CARS2: variants seen among roughly 807,000 people sequenced by gnomAD.
CARS2 encodes the protein cysteinyl-tRNA synthetase 2, mitochondrial.
Under a neutral mutation model 68.8 loss-of-function variants are expected in CARS2, and 52 were observed. The ratio of observed to expected loss-of-function variants is 0.76; its 90% CI spans 0.61 to 0.95. CARS2 has a LOEUF of 0.95. Ranked by LOEUF, CARS2 falls within the 40% of genes least tolerant of loss-of-function variation. The probability of loss-of-function intolerance (pLI) is 0.00; values close to 1 mark genes in which losing one functional copy is unlikely to be tolerated. For missense variants in CARS2, 780 were observed against 754.2 expected, an observed-to-expected ratio of 1.03 and a Z score of -0.40; for synonymous variants, 314 against 303.6, an observed-to-expected ratio of 1.03 and a Z score of -0.36.
At chr13:110,712,923 C>T in intron 1 of CARS2, 3 of 1,554,284 alleles carry the variant, frequency 1.9e-6, no homozygotes, top group Non-Finnish European at 2.6e-6. Context: ...TGACGGATGG[C>T]GCAGGCGCGG....
At chr13:110,682,684 A>G (rs1179447828) in intron 6 of CARS2, among the ~76,000 whole-genome samples, 1 of 152,218 alleles carries the variant, frequency 6.6e-6, no homozygotes. Context: ...ACATAGTAAG[A>G]CACGTATGGG....
At chr13:110,662,305 C>T (rs1263306616) in intron 9 of CARS2, among the ~76,000 whole-genome samples, 1 of 115,694 alleles carries the variant, frequency 8.6e-6, no homozygotes, top group Admixed American at 9.4e-5. Context: ...CGTCATGCAA[C>T]CCCATGGCCG....
intron 6 of CARS2, among the ~76,000 whole-genome samples, chr13:110,679,597 A>AGAGAGAG: frequency 2.3e-5 from 1 of 43,696 alleles, no homozygotes; most frequent in South Asian, 8.9e-4. Context: ...GAAAGAAAGA[A>AGAGAGAG]AGAGAGAGAG....
intron 5 of CARS2, among the ~76,000 whole-genome samples, chr13:110,685,445 A>T (rs575438733): frequency 3.9e-5 from 6 of 152,364 alleles, no homozygotes; most frequent in Non-Finnish European, 7.3e-5. Flanking sequence ...TCCAAGTAGG[A>T]CCCAGGAAGG....
At chr13:110,709,735 A>T (rs1225654794), upstream of CARS2, among the ~76,000 whole-genome samples, 1 of 151,886 alleles carries the variant, frequency 6.6e-6, no homozygotes, top group Non-Finnish European at 1.5e-5. Context: ...ATGTATATAC[A>T]TTATATATAT....
At chr13:110,644,157 T>C (rs968060280) in intron 13 of CARS2, 2 of 1,433,020 alleles carry the variant, frequency 1.4e-6, no homozygotes, top group African/African-American at 2.8e-5. Flanking sequence ...GACTCATCTC[T>C]GGTTCTGCGC....
At chr13:110,650,984 G>A in intron 10 of CARS2, 50 bp downstream of exon 10, 2 of 1,382,764 alleles carry the variant, frequency 1.4e-6, no homozygotes, top group African/African-American at 1.4e-5. Flanking sequence ...CTGTCAGAAT[G>A]ACTGTCTCCG....
rs1887813773 is a variant in CARS2, at chr13:110,644,411, C to A, written c.1390G>T (p.Val464Phe). 6.2e-7 allele frequency: 1 copy of A among 1,614,038 alleles called. No homozygotes were observed. The highest frequency in any genetic ancestry group is 2.2e-5 in the East Asian group (1 of 44,890). The change falls in exon 13 of 15, where the codon GTT (valine) becomes TTT (phenylalanine). Residue 464 changes from valine to phenylalanine, a missense_variant. By Grantham distance (50) the Val-to-Phe change is conservative (BLOSUM62 -1). Coordinates refer to ENST00000257347, the MANE Select transcript of CARS2 (RefSeq NM_024537.4). ...ISYFEQFFET[V>F]GISLANQQYV... ...TGTTGATTTGCCAGAGAAATTCCAA[C>A]AGTTTCAAAAAACTGTTCAAAGTAA...
At chr13:110,664,255 C>G (rs1306639462) in intron 8 of CARS2, 3 of 955,544 alleles carry the variant, frequency 3.1e-6, no homozygotes, top group South Asian at 9.7e-5. Context: ...ACCCGTAATA[C>G]CAGCCCTTTG....
Position 110,645,977 on chromosome 13 carries a change from GC to G in CARS2, c.1306del (p.Ala436ArgfsTer3), listed in dbSNP as rs1473469742. The G allele has an allele frequency of 1.2e-6, 2 of 1,613,250 alleles. No homozygotes were observed. The highest frequency in any genetic ancestry group is 1.7e-6 in the Non-Finnish European group (2 of 1,179,710). ...LAHHGNGQLR[A>X]SLKEPEGPRS... ...TGTTCGTTGAGCTACCTTCAGGGAC[GC>G]CCTGAGCTGTCCATTCCCGTGGTGT... On this transcript the variant is annotated frameshift_variant, in exon 12 of 15. Transcript: ENST00000257347. LOFTEE classifies it high-confidence loss of function.
intron 7 of CARS2, among the ~76,000 whole-genome samples, chr13:110,671,686 A>C (rs561441044): frequency 2.8e-4 from 43 of 152,310 alleles, no homozygotes; most frequent in Non-Finnish European, 5.7e-4. Context: ...CTAACATCAT[A>C]ATGACAGGAT....
At chr13:110,649,296 A>G (rs1203833459) in intron 10 of CARS2, 1 of 152,186 alleles carries the variant, frequency 6.6e-6, no homozygotes, top group East Asian at 1.9e-4. Flanking sequence ...GTCTCAGAAA[A>G]CCTGAGTTTG....
chr13:110,684,337 G>C lies in CARS2; in HGVS notation c.572-1203C>G, dbSNP rs1011703802. The stretch of plus-strand genomic sequence containing the variant: ...TTTGCATCAGTACTGTCCTTACTGC[G>C]GACACTGGTGTTGGTAAGATCAAGG... On this transcript the variant is annotated intron_variant, in intron 5 of 14. Coordinates refer to ENST00000257347, the MANE Select transcript of CARS2 (RefSeq NM_024537.4). Among the ~76,000 whole-genome samples the C allele has an allele frequency of 4.6e-5, 7 of 152,046 alleles. No homozygotes were observed. In the East Asian group the frequency reaches 1.4e-3, roughly 30 times the overall value.
rs1442246645 is a variant in CARS2 at position 110,713,064 on chromosome 13, C to T, written n.399+73G>A. 4.8e-6 allele frequency: 7 copies of T among 1,453,816 alleles called. No individual in the cohort carries two copies. In the East Asian group the frequency reaches 7.5e-5, roughly 16 times the overall value. 90.1% of individuals were successfully genotyped at this position (1,453,816 alleles called of 1,614,324 possible). A position where few individuals can be genotyped will look rare whatever the true frequency, so the allele number is the denominator to read the frequency against. On this transcript the variant is annotated intron_variant and non_coding_transcript_variant, in intron 1 of 2. Transcript: ENST00000485188. ...ATGCGCCGCCACTTCCGCCCGTGCC[C>T]GGCCCTCCCCTTCCTTCCGCCTCCC... is the stretch of plus-strand genomic sequence containing the variant.
chr13:110,647,435 A>C (rs1888292117), intron 10 of CARS2, among the ~76,000 whole-genome samples, 196 bp from the exon 11 acceptor site: 1 of 152,232 alleles, frequency 6.6e-6, no homozygotes. Context: ...GTCCCAGCTC[A>C]GTGGCACCTG....
chr13:110,708,574 C>CTTT (rs572046218), upstream of CARS2, among the ~76,000 whole-genome samples: 427 of 145,576 alleles, frequency 2.9e-3, 4 homozygotes, highest in African/African-American at 0.01. Flanking sequence ...ATTATGTTTT[C>CTTT]TTTTTTTTTT....
chr13:110,650,994 G>C (rs748718611), intron 10 of CARS2, 40 bp downstream of exon 10: 13 of 1,490,832 alleles, frequency 8.7e-6, no homozygotes, highest in East Asian at 2.3e-5. Context: ...GACTGTCTCC[G>C]AGCTGGGGGG....
intron 3 of CARS2, among the ~76,000 whole-genome samples, chr13:110,689,720 C>A (rs1270652981): frequency 6.6e-6 from 1 of 152,180 alleles, no homozygotes; most frequent in Non-Finnish European, 1.5e-5. Context: ...AGAGAAAATA[C>A]ACAGCACCTA....
chr13:110,706,469 T>G, upstream of CARS2: 1 of 162,214 alleles, frequency 6.2e-6, no homozygotes, highest in Non-Finnish European at 1.3e-5. Flanking sequence ...GAGGAGCGTT[T>G]ACAGTGCAAG....
Sources: allele counts gnomAD v4.1 joint callset (sites outside exome capture counted in the v4.1 genomes callset), GRCh38; gene constraint gnomAD v4.1.1; transcripts MANE v1.5; gene names NCBI Gene and HGNC (gene_info 2026-07-23, HGNC 2026-07-21).